The following SLC14A2 variants were observed in gnomAD, a reference collection of about 807,000 sequenced individuals.
SLC14A2 encodes the protein urea transporter 2.
A neutral mutation model predicts 104.6 loss-of-function variants in SLC14A2; 91 were observed. The ratio of observed to expected loss-of-function variants is 0.87; its 90% CI spans 0.73 to 1.04. SLC14A2 has a LOEUF of 1.04. Ranked by LOEUF, SLC14A2 falls within the 50% of genes least tolerant of loss-of-function variation. SLC14A2 has a pLI of 0.00. For synonymous variants in SLC14A2, 476 were observed against 466.4 expected, an observed-to-expected ratio of 1.02 and a Z score of -0.27; for missense variants, 1,189 against 1,156.0, an observed-to-expected ratio of 1.03 and a Z score of -0.41.
In SLC14A2 at chr18:45,665,134, C is replaced by A. The variant is rs569638166; in HGVS notation, c.1475-1003C>A. The stretch of plus-strand genomic sequence containing the variant: ...CACCTCCCAAACACACTGGTATCTG[C>A]AGTCCCTGTCCCTTCAGAAGTGGGA... On this transcript the variant is annotated intron_variant, in intron 11 of 19. Coordinates refer to ENST00000255226, the MANE Select transcript of SLC14A2 (RefSeq NM_007163.4). 2.0e-5 allele frequency among the ~76,000 whole-genome samples: 3 copies of A among 152,332 alleles called. No individual in the cohort carries two copies. In the East Asian group the frequency reaches 5.8e-4, roughly 29 times the overall value.
chr18:45,284,277 G>T lies in SLC14A2; in HGVS notation c.-125+71086G>T, dbSNP rs565816642. Among the ~76,000 whole-genome samples, 3 of 152,226 alleles carry T rather than the reference G, an allele frequency of 2.0e-5. No individual in the cohort carries two copies. The South Asian group carries it at 6.2e-4, about 32-fold the overall frequency. On this transcript the variant is annotated intron_variant, in intron 1 of 20. Transcript: ENST00000586448. ...TCCTTACTTTGCTTTGTATGACATG[G>T]GGGCTGACTCCTGTAATACCTTGTT...
At chr18:45,344,637 G>A (rs968033350) in intron 1 of SLC14A2, among the ~76,000 whole-genome samples, 1 of 152,150 alleles carries the variant, frequency 6.6e-6, no homozygotes, top group Non-Finnish European at 1.5e-5. Context: ...GTTGGAGTCA[G>A]TAAGGTACCT....
At chr18:45,577,013 C>A (rs1291987168) in intron 2 of SLC14A2, among the ~76,000 whole-genome samples, 1 of 152,102 alleles carries the variant, frequency 6.6e-6, no homozygotes, top group African/African-American at 2.4e-5. Flanking sequence ...TCTTAGTTGT[C>A]TGGTACAGGG....
chr18:45,523,281 C>A (rs1345590650), intron 2 of SLC14A2, among the ~76,000 whole-genome samples: 2 of 151,972 alleles, frequency 1.3e-5, no homozygotes, highest in Non-Finnish European at 2.9e-5. Flanking sequence ...AGACAGGTCG[C>A]CCAGGGCAGG....
chr18:45,172,878 A>C, the SLC14A2 span, among the ~76,000 whole-genome samples: 1 of 152,156 alleles, frequency 6.6e-6, no homozygotes, highest in African/African-American at 2.4e-5. Context: ...TTTACTGTTA[A>C]ATAAACACTA....
intron 1 of SLC14A2, among the ~76,000 whole-genome samples, chr18:45,286,464 A>C (rs2084815327): frequency 6.6e-6 from 1 of 152,202 alleles, no homozygotes; most frequent in Non-Finnish European, 1.5e-5. Flanking sequence ...ATTTACACCA[A>C]GTTCCAAATT....
intron 1 of SLC14A2, among the ~76,000 whole-genome samples, chr18:45,466,948 T>G (rs1833413): frequency 0.22 from 33,919 of 151,856 alleles, 4,017 homozygotes; most frequent in Non-Finnish European, 0.27. Context: ...CGCGGAGCTC[T>G]AATTCTTTCA....
intron 1 of SLC14A2, among the ~76,000 whole-genome samples, chr18:45,324,167 G>A (rs558196525): frequency 1.3e-5 from 2 of 152,074 alleles, no homozygotes; most frequent in East Asian, 1.9e-4. Context: ...TGTTCAGTAA[G>A]TATCTACTGA....
chr18:45,538,187 C>T (rs1166782203), intron 2 of SLC14A2, among the ~76,000 whole-genome samples: 2 of 152,158 alleles, frequency 1.3e-5, no homozygotes, highest in African/African-American at 4.8e-5. Flanking sequence ...GCCTCTATCT[C>T]CATGTCAGCC....
intron 2 of SLC14A2, among the ~76,000 whole-genome samples, chr18:45,577,569 C>T (rs2044433738): frequency 6.6e-6 from 1 of 152,156 alleles, no homozygotes; most frequent in African/African-American, 2.4e-5. Context: ...ACCCAGAAGC[C>T]TTTGACTCAA....
At chr18:45,579,780 C>T (rs2144356778) in intron 2 of SLC14A2, among the ~76,000 whole-genome samples, 1 of 152,226 alleles carries the variant, frequency 6.6e-6, no homozygotes, top group Non-Finnish European at 1.5e-5. Flanking sequence ...GAAGTATGAA[C>T]CAAAACTTGT....
rs1270516890 is a variant in SLC14A2 at position 45,682,333 on chromosome 18, C to T, written c.2577C>T (p.Pro859=). 6.2e-7 allele frequency: 1 copy of T among 1,614,034 alleles called. No individual in the cohort carries two copies. The highest frequency in any genetic ancestry group is 8.5e-7 in the Non-Finnish European group (1 of 1,180,018). The change falls in exon 20 of 20, where the codon CCC becomes CCT. Residue 859 remains proline (P), a synonymous_variant. Transcript: ENST00000255226. ...TTTCTCTCCAGTTTGGATTGCCGCCCTGCACTTGGCCCTTCTGTCTCTCAG... is the reference window on the plus strand; with the variant it reads ...TTTCTCTCCAGTTTGGATTGCCGCCTTGCACTTGGCCCTTCTGTCTCTCAG... The part of the protein sequence containing the change: ...ANMLSVFGLP[P]CTWPFCLSAL...
rs571594044 is a variant in SLC14A2 at position 45,676,625 on chromosome 18, G to A, written c.2513-2350G>A. ...GGGAAGTGCTACTGGCATCTAATGG[G>A]TAAAATCCAGAGACGCTGTTAAACA... On this transcript the variant is annotated intron_variant, in intron 18 of 19. Transcript: ENST00000255226. Among the ~76,000 whole-genome samples, 4 of 152,212 alleles carry A rather than the reference G, an allele frequency of 2.6e-5. No homozygotes were observed. The South Asian group carries it at 8.3e-4, about 32-fold the overall frequency.
At chr18:45,531,503 G>A (rs1051314411) in intron 2 of SLC14A2, among the ~76,000 whole-genome samples, 1 of 151,996 alleles carries the variant, frequency 6.6e-6, no homozygotes, top group African/African-American at 2.4e-5. Flanking sequence ...GTCTTCTTTT[G>A]AGAAGGGTCT....
chr18:45,250,789 T>A (rs2084415178), intron 1 of SLC14A2, among the ~76,000 whole-genome samples: 2 of 136,422 alleles, frequency 1.5e-5, no homozygotes, highest in South Asian at 2.5e-4. Flanking sequence ...CTTTGAGACA[T>A]CTTCGGGTGA....
At chr18:45,343,061 G>A (rs1240647905) in intron 1 of SLC14A2, among the ~76,000 whole-genome samples, 1 of 152,042 alleles carries the variant, frequency 6.6e-6, no homozygotes, top group East Asian at 1.9e-4. Flanking sequence ...CCAGAAAACT[G>A]GATAGAGGAA....
intron 1 of SLC14A2, among the ~76,000 whole-genome samples, chr18:45,422,126 GAGCTAT>G (rs1274196033): frequency 6.6e-6 from 1 of 152,206 alleles, no homozygotes; most frequent in Non-Finnish European, 1.5e-5. Context: ...TAGAAATAGG[GAGCTAT>G]AGCAGGTTTC....
intron 2 of SLC14A2, among the ~76,000 whole-genome samples, chr18:45,554,561 A>G (rs1366290740): frequency 6.6e-6 from 1 of 152,136 alleles, no homozygotes; most frequent in Non-Finnish European, 1.5e-5. Context: ...CACAGAGCAC[A>G]ATTACTGTCT....
At chr18:45,579,347 C>A (rs900775610) in intron 2 of SLC14A2, among the ~76,000 whole-genome samples, 3 of 152,152 alleles carry the variant, frequency 2.0e-5, no homozygotes, top group African/African-American at 7.2e-5. Context: ...ATATAGAGAT[C>A]TTTGAAGAAA....
Sources: gnomAD v4.1 joint callset for allele counts (sites outside exome capture counted in the v4.1 genomes callset) on GRCh38, gnomAD v4.1.1 for gene constraint, MANE v1.5 for transcripts, NCBI Gene and HGNC (gene_info 2026-07-23, HGNC 2026-07-21) for gene names.